MACROH2A2: variants seen among roughly 807,000 people sequenced by gnomAD.
The protein encoded by MACROH2A2 is core histone macro-H2A.2.
In MACROH2A2, 6 loss-of-function variants were observed where a neutral mutation model predicts 37.6. The observed-to-expected ratio is 0.16, with a 90% CI of 0.09 to 0.32. The LOEUF (loss-of-function observed/expected upper bound fraction) is 0.32, where lower values mean the gene tolerates loss of function less well. MACROH2A2 is among the 10% of genes least tolerant of loss of function. The pLI is 1.00. For missense variants in MACROH2A2, 290 were observed against 485.9 expected, an observed-to-expected ratio of 0.60 and a Z score of 3.79; for synonymous variants, 192 against 202.7, an observed-to-expected ratio of 0.95 and a Z score of 0.45.
At chr10:70,073,634 C>A (rs1004815472) in intron 1 of MACROH2A2, among the ~76,000 whole-genome samples, 3 of 152,152 alleles carry the variant, frequency 2.0e-5, no homozygotes, top group Non-Finnish European at 4.4e-5. Flanking sequence ...GAATCATTCA[C>A]CTCGGGGACA....
intron 1 of MACROH2A2, among the ~76,000 whole-genome samples, chr10:70,059,204 C>T (rs1218858754): frequency 6.6e-6 from 1 of 151,990 alleles, no homozygotes; most frequent in Non-Finnish European, 1.5e-5. Flanking sequence ...TGGAGAGGAC[C>T]TCAGAGGTGA....
chr10:70,094,054 A>C (rs368683250), intron 5 of MACROH2A2, among the ~76,000 whole-genome samples: 4 of 152,198 alleles, frequency 2.6e-5, no homozygotes, highest in Admixed American at 6.5e-5. Flanking sequence ...TAACGCTAAC[A>C]TTGGTCAGAC....
At chr10:70,079,561 GCGCGCACA>G (rs1390347616) in intron 2 of MACROH2A2, among the ~76,000 whole-genome samples, 8 of 83,680 alleles carry the variant, frequency 9.6e-5, no homozygotes, top group African/African-American at 2.8e-4. Context: ...TCGCGCGCGC[GCGCGCACA>G]CACACACACA....
chr10:70,077,169 C>T (rs1284869018), intron 2 of MACROH2A2, among the ~76,000 whole-genome samples: 1 of 152,190 alleles, frequency 6.6e-6, no homozygotes, highest in Non-Finnish European at 1.5e-5. Context: ...TCCTCAAACT[C>T]CCAGGTGATA....
intron 1 of MACROH2A2, among the ~76,000 whole-genome samples, chr10:70,071,130 T>G (rs1391537795): frequency 6.6e-6 from 1 of 152,100 alleles, no homozygotes; most frequent in Non-Finnish European, 1.5e-5. Flanking sequence ...GCCCTTGTGG[T>G]GTTTGTACTT....
At chr10:70,105,840 C>T (rs552446028) in intron 7 of MACROH2A2, among the ~76,000 whole-genome samples, 3 of 152,150 alleles carry the variant, frequency 2.0e-5, no homozygotes, top group South Asian at 2.1e-4. Context: ...AAAGGGGAAT[C>T]GGGTTTCAGG....
At chr10:70,073,474 A>C (rs112421741) in intron 1 of MACROH2A2, among the ~76,000 whole-genome samples, 1,800 of 152,298 alleles carry the variant, frequency 0.012, 41 homozygotes, top group African/African-American at 0.04. Context: ...AGTCTAAGGC[A>C]CTTCTCTCAT....
chr10:70,056,961 T>A (rs1564539127), intron 1 of MACROH2A2, among the ~76,000 whole-genome samples: 1 of 151,190 alleles, frequency 6.6e-6, no homozygotes, highest in Non-Finnish European at 1.5e-5. Flanking sequence ...TTAAAAGGAG[T>A]GTAGTGAAAT....
chr10:70,111,613 A>T lies in MACROH2A2; in HGVS notation c.1049A>T (p.Tyr350Phe). The change falls in exon 9 of 9, where the codon TAC becomes TTC. Residue 350 changes from tyrosine to phenylalanine, a missense_variant. Coordinates refer to ENST00000373255, the MANE Select transcript of MACROH2A2 (RefSeq NM_018649.3). ...DSSASSLKNV[Y>F]FLLFDSESIG... ...AGCGCGTCCTCGCTGAAGAACGTGTACTTCCTGCTCTTCGACAGCGAGAGC... is the reference window on the plus strand; with the variant it reads ...AGCGCGTCCTCGCTGAAGAACGTGTTCTTCCTGCTCTTCGACAGCGAGAGC... 4 of 1,613,666 alleles carry T rather than the reference A, an allele frequency of 2.5e-6. No individual in the cohort carries two copies. Among genetic ancestry groups the T allele is most frequent in the Non-Finnish European group, 3.4e-6 (4 of 1,179,824 alleles).
In MACROH2A2 at chr10:70,067,699, G is replaced by C. The variant is rs147481724; in HGVS notation, c.-59-7901G>C. Among the ~76,000 whole-genome samples the C allele has an allele frequency of 3.9e-5, 6 of 152,294 alleles. No individual in the cohort carries two copies. The East Asian group carries it at 1.2e-3, about 29-fold the overall frequency. On this transcript the variant is annotated intron_variant, in intron 1 of 8. Transcript: ENST00000373255. ...CAGAAGTAGAGCTTAGGGAGGTGAT[G>C]TAGGGAGGAGAGGACCAGGGAAAGA...
intron 2 of MACROH2A2, among the ~76,000 whole-genome samples, chr10:70,081,585 A>C (rs1173980033): frequency 1.3e-5 from 2 of 152,158 alleles, no homozygotes; most frequent in Non-Finnish European, 2.9e-5. Context: ...GGTCACGCTG[A>C]TAAAAATCAG....
intron 2 of MACROH2A2, among the ~76,000 whole-genome samples, chr10:70,076,477 A>G (rs1303116366): frequency 6.6e-6 from 1 of 152,144 alleles, no homozygotes; most frequent in Non-Finnish European, 1.5e-5. Context: ...TATCTTAGTA[A>G]CTTTCTCTTT....
At chr10:70,108,201 C>T (rs2072349041) in intron 7 of MACROH2A2, among the ~76,000 whole-genome samples, 2 of 151,442 alleles carry the variant, frequency 1.3e-5, no homozygotes, top group African/African-American at 4.8e-5. Context: ...GAAAAAGACT[C>T]TGTCTCAAAA....
intron 2 of MACROH2A2, among the ~76,000 whole-genome samples, chr10:70,081,676 T>C (rs931381285): frequency 1.3e-5 from 2 of 151,742 alleles, no homozygotes; most frequent in Non-Finnish European, 2.9e-5. Context: ...CAAACCACAG[T>C]GAGTTGAGAA....
chr10:70,067,747 T>C (rs2072086939), intron 1 of MACROH2A2, among the ~76,000 whole-genome samples: 1 of 152,132 alleles, frequency 6.6e-6, no homozygotes. Context: ...TATCCTCCTC[T>C]CATATGATGA....
rs1044031268 is a variant in MACROH2A2, at chr10:70,107,945, G to A, written c.779-1088G>A. On this transcript the variant is annotated intron_variant, in intron 7 of 8. Coordinates refer to ENST00000373255, the MANE Select transcript of MACROH2A2 (RefSeq NM_018649.3). The surrounding 1 kb of genome is among the most constrained non-coding windows in gnomAD (Gnocchi z 4.4). ...TTTTAAAAGCCACAGTAGGCCAGGT[G>A]TGATGGCTCACGCCTGTAATCCCAG... Among the ~76,000 whole-genome samples, 2 of 152,220 alleles carry A rather than the reference G, an allele frequency of 1.3e-5. No individual in the cohort carries two copies. The highest frequency in any genetic ancestry group is 2.9e-5 in the Non-Finnish European group (2 of 68,042).
At chr10:70,092,011 C>A in intron 4 of MACROH2A2, 57 bp downstream of exon 4, 2 of 1,349,548 alleles carry the variant, frequency 1.5e-6, no homozygotes, top group South Asian at 2.4e-5. Context: ...GTCTGAATGT[C>A]TGTGTTCCCC....
chr10:70,107,400 G>A lies in MACROH2A2; in HGVS notation c.779-1633G>A, dbSNP rs117610156. Reference sequence around the variant, plus strand: ...CAGCTCTGGAATACGGCGGACACACGTTTCTGTTACAAGTGCTGCCCCTAG... The same window carrying A: ...CAGCTCTGGAATACGGCGGACACACATTTCTGTTACAAGTGCTGCCCCTAG... On this transcript the variant is annotated intron_variant, in intron 7 of 8. Coordinates refer to ENST00000373255, the MANE Select transcript of MACROH2A2 (RefSeq NM_018649.3). The surrounding 1 kb of genome is among the most constrained non-coding windows in gnomAD (Gnocchi z 4.4). Among the ~76,000 whole-genome samples, 40 of 152,342 alleles carry A rather than the reference G, an allele frequency of 2.6e-4. 1 individual carries two copies. In the East Asian group the frequency reaches 7.3e-3, roughly 28 times the overall value.
intron 1 of MACROH2A2, among the ~76,000 whole-genome samples, chr10:70,058,688 G>C (rs950406727): frequency 3.6e-4 from 54 of 151,788 alleles, no homozygotes; most frequent in African/African-American, 1.2e-3. Flanking sequence ...TGTATTTTGC[G>C]CTCCTGCCTT....
Sources: allele counts gnomAD v4.1 joint callset (sites outside exome capture counted in the v4.1 genomes callset), GRCh38; gene constraint gnomAD v4.1.1; non-coding constraint Gnocchi (gnomAD v3.1); transcripts MANE v1.5; gene names NCBI Gene and HGNC (gene_info 2026-07-23, HGNC 2026-07-21).